XRN2: variants seen among roughly 807,000 people sequenced by gnomAD.
XRN2 encodes 5'-3' exoribonuclease 2.
XRN2 carries 44 observed loss-of-function variants against 138.5 expected under a neutral mutation model. That is an observed-to-expected ratio of 0.32 (90% confidence interval 0.25 to 0.41). XRN2 has a LOEUF of 0.41. Among genes scored for constraint, XRN2 ranks in the 10% least tolerant of loss-of-function variants. XRN2 has a pLI of 1.00. For synonymous variants in XRN2, 354 were observed against 369.4 expected, an observed-to-expected ratio of 0.96 and a Z score of 0.48; for missense variants, 937 against 1,169.3, an observed-to-expected ratio of 0.80 and a Z score of 2.90.
At chr20:21,388,447 G>A (rs896868777) in intron 29 of XRN2, among the ~76,000 whole-genome samples, 1 of 152,148 alleles carries the variant, frequency 6.6e-6, no homozygotes, top group Non-Finnish European at 1.5e-5. Context: ...AATCACAATT[G>A]TTGAAGCACT....
At position 21,354,785 on chromosome 20, in the gene XRN2, T is replaced by G. The variant is rs1371282937; in HGVS notation, c.1937-4T>G. Reference sequence around the variant, plus strand: ...GGGTGGTTCATTTGCACTTGTTTTTTCAGGTGTTGCTCTCTTGCCATTCGT... The same window carrying G: ...GGGTGGTTCATTTGCACTTGTTTTTGCAGGTGTTGCTCTCTTGCCATTCGT... On this transcript the variant is annotated splice_polypyrimidine_tract_variant and splice_region_variant and intron_variant, in intron 20 of 29. Transcript: ENST00000377191. The G allele has an allele frequency of 6.2e-7, 1 of 1,613,784 alleles. No homozygotes were observed. Among genetic ancestry groups the G allele is most frequent in the Middle Eastern group, 1.6e-4 (1 of 6,062 alleles).
chr20:21,343,455 G>A (rs1419033208), intron 15 of XRN2, among the ~76,000 whole-genome samples: 1 of 151,780 alleles, frequency 6.6e-6, no homozygotes, highest in Non-Finnish European at 1.5e-5. Flanking sequence ...ATTTTTATTT[G>A]TTGATTGATT....
intron 23 of XRN2, among the ~76,000 whole-genome samples, chr20:21,357,480 A>G (rs937937655): frequency 3.9e-5 from 6 of 152,172 alleles, no homozygotes; most frequent in African/African-American, 1.2e-4. Context: ...GTGGATGCTC[A>G]TTGACATCTT....
At position 21,342,278 on chromosome 20, in the gene XRN2, T is replaced by TA. The variant is rs575098418; in HGVS notation, c.1410+1429dup. 2.1e-3 allele frequency among the ~76,000 whole-genome samples: 321 copies of TA among 152,308 alleles called. 1 individual carries two copies. The highest frequency in any genetic ancestry group is 7.6e-3 in the African/African-American group (315 of 41,576). On this transcript the variant is annotated intron_variant, in intron 15 of 29. Transcript: ENST00000377191. ...ATGATTAACATTCTTAGTGTTTTAT[T>TA]AAATAGCTTCCATTTCCTTATATTT...
At chr20:21,354,745 T>A in intron 20 of XRN2, 44 bp from the exon 21 acceptor site, 1 of 1,576,014 alleles carries the variant, frequency 6.3e-7, no homozygotes. Context: ...GGAATTTGGG[T>A]GATCCTGGTA....
At position 21,377,264 on chromosome 20, in the gene XRN2, C is replaced by CTTTTTT. The variant is rs761622310; in HGVS notation, c.2585-4721_2585-4716dup. On this transcript the variant is annotated intron_variant, in intron 27 of 29. Transcript: ENST00000377191. ...CCAACATATGATTTGTCGGTTTTTTCTTTTTTTTTTTTTTGGTCAGTCTTG... is the reference window on the plus strand; with the variant it reads ...CCAACATATGATTTGTCGGTTTTTTCTTTTTTTTTTTTTTTTTTTTGGTCAGTCTTG... Among the ~76,000 whole-genome samples, 374 of 82,774 alleles carry CTTTTTT rather than the reference C, an allele frequency of 4.5e-3. 35 individuals are homozygous for CTTTTTT. Among genetic ancestry groups the CTTTTTT allele is most frequent in the Middle Eastern group, 0.012 (1 of 84 alleles). 54.3% of individuals were successfully genotyped at this position (82,774 alleles called of 152,430 possible). A position where few individuals can be genotyped will look rare whatever the true frequency, so the allele number is the denominator to read the frequency against.
intron 21 of XRN2, among the ~76,000 whole-genome samples, chr20:21,355,288 C>G (rs2038562501): frequency 6.6e-6 from 1 of 152,112 alleles, no homozygotes; most frequent in Non-Finnish European, 1.5e-5. Flanking sequence ...AAAGCATATG[C>G]TCTTAGAGTG....
chr20:21,352,602 AT>A (rs1168231257), intron 20 of XRN2, among the ~76,000 whole-genome samples: 2 of 152,192 alleles, frequency 1.3e-5, no homozygotes, highest in African/African-American at 2.4e-5. Flanking sequence ...AAGTGCTGGG[AT>A]TATAGGCGTG....
chr20:21,320,371 C>T (rs999413676), intron 1 of XRN2, among the ~76,000 whole-genome samples: 2 of 151,960 alleles, frequency 1.3e-5, no homozygotes, highest in East Asian at 3.9e-4. Flanking sequence ...ACGATCTCGG[C>T]TTACTGCAAG....
intron 3 of XRN2, among the ~76,000 whole-genome samples, chr20:21,326,896 G>C (rs2038136421): frequency 6.6e-6 from 1 of 152,174 alleles, no homozygotes; most frequent in African/African-American, 2.4e-5. Flanking sequence ...TTATTTATAG[G>C]CATTATAAGC....
At chr20:21,365,726 C>G in intron 26 of XRN2, 22 bp downstream of exon 26, 8 of 1,574,082 alleles carry the variant, frequency 5.1e-6, no homozygotes, top group Non-Finnish European at 6.9e-6. Flanking sequence ...GTTTTTAGCC[C>G]TTGTATATTT....
chr20:21,314,305 G>T (rs2037927941), intron 1 of XRN2, among the ~76,000 whole-genome samples: 1 of 152,182 alleles, frequency 6.6e-6, no homozygotes, highest in South Asian at 2.1e-4. Context: ...CCATTGTATG[G>T]ATATACCACA....
intron 29 of XRN2, 87 bp downstream of exon 29, chr20:21,387,093 T>G: frequency 6.6e-7 from 1 of 1,511,294 alleles, no homozygotes; most frequent in Non-Finnish European, 8.9e-7. Context: ...CCAACATTTC[T>G]GGAGAAGACA....
At chr20:21,355,015 C>A in intron 21 of XRN2, 143 bp downstream of exon 21, 1 of 587,920 alleles carries the variant, frequency 1.7e-6, no homozygotes, top group Non-Finnish European at 2.7e-6. Context: ...TTATTACAGA[C>A]GTTGACTTTG....
intron 26 of XRN2, 82 bp downstream of exon 26, chr20:21,365,786 T>C: frequency 1.1e-6 from 1 of 931,970 alleles, no homozygotes; most frequent in Non-Finnish European, 1.4e-6. Context: ...ATGCCATATA[T>C]ATAAATTTAT....
At chr20:21,377,264 C>CTTTTTTTTTTTTCTTTTTTTTTTTT (rs2038834235) in intron 27 of XRN2, among the ~76,000 whole-genome samples, 1 of 82,782 alleles carries the variant, frequency 1.2e-5, no homozygotes, top group African/African-American at 5.4e-5. Context: ...TCGGTTTTTT[C>CTTTTTTTTTTTTCTTTTTTTTTTTT]TTTTTTTTTT....
Position 21,331,761 on chromosome 20 carries a change from T to G in XRN2, c.650-7T>G. ...TTAATATAAATACATGTTTCTCTCT[T>G]GTTTAGCCCAGCCTAACCATGACCC... On this transcript the variant is annotated splice_polypyrimidine_tract_variant and splice_region_variant and intron_variant, in intron 7 of 29. Transcript: ENST00000377191. 1.2e-6 allele frequency: 2 copies of G among 1,605,626 alleles called. No homozygotes were observed. Among genetic ancestry groups the G allele is most frequent in the Non-Finnish European group, 1.7e-6 (2 of 1,177,990 alleles).
intron 26 of XRN2, among the ~76,000 whole-genome samples, chr20:21,367,977 C>T (rs747461449): frequency 1.3e-5 from 2 of 151,792 alleles, no homozygotes; most frequent in African/African-American, 2.4e-5. Flanking sequence ...ACTACTAGTA[C>T]GAAATGAGAG....
chr20:21,349,131 C>T (rs1234603260), intron 19 of XRN2, among the ~76,000 whole-genome samples: 3 of 152,210 alleles, frequency 2.0e-5, no homozygotes, highest in Non-Finnish European at 4.4e-5. Context: ...AAACCCTTTA[C>T]TTTCTGCCTG....
Sources: gnomAD v4.1 joint callset for allele counts (sites outside exome capture counted in the v4.1 genomes callset) on GRCh38, gnomAD v4.1.1 for gene constraint, MANE v1.5 for transcripts, NCBI Gene and HGNC (gene_info 2026-07-23, HGNC 2026-07-21) for gene names.